MYH6: variants seen among roughly 807,000 people sequenced by gnomAD.
MYH6 encodes myosin heavy chain 6.
A neutral mutation model predicts 223.2 loss-of-function variants in MYH6; 126 were observed. The observed-to-expected ratio is 0.56, with a 90% CI of 0.49 to 0.65. The LOEUF is 0.65. Ranked by LOEUF, MYH6 falls within the 30% of genes least tolerant of loss-of-function variation. MYH6 has a pLI of 0.00. For synonymous variants in MYH6, 978 were observed against 1,010.2 expected, an observed-to-expected ratio of 0.97 and a Z score of 0.61; for missense variants, 2,040 against 2,536.4, an observed-to-expected ratio of 0.80 and a Z score of 4.20.
intron 7 of MYH6, 109 bp from the exon 8 acceptor site, chr14:23,404,497 T>C: frequency 7.4e-7 from 1 of 1,342,558 alleles, no homozygotes; most frequent in Non-Finnish European, 1.1e-6. Flanking sequence ...CGGGGCTGGG[T>C]GAACCGCTAG....
At chr14:23,389,097 T>C (rs377112642) in intron 28 of MYH6, 42 bp from the exon 29 acceptor site, 9 of 1,557,502 alleles carry the variant, frequency 5.8e-6, no homozygotes, top group Admixed American at 1.8e-5. Flanking sequence ...AGGGACTCCC[T>C]GTGCCCCATT....
chr14:23,387,798 CT>C lies in MYH6; in HGVS notation c.4484del (p.Glu1495GlyfsTer3). On this transcript the variant is annotated frameshift_variant, in exon 31 of 39. Transcript: ENST00000405093. LOFTEE classifies it high-confidence loss of function. ...TCTCCCGCTTGAAGGTCTCTAGGTG[CT>C]CCAGGGACTCCTCGTAGGCGTTCTT... Reference protein sequence around the residue: ...KLKNAYEESLEHLETFKRENK... With the variant: ...KLKNAYEESLXHLETFKRENK... 6.2e-7 allele frequency: 1 copy of C among 1,614,094 alleles called. No homozygotes were observed. The highest frequency in any genetic ancestry group is 8.5e-7 in the Non-Finnish European group (1 of 1,180,026).
At chr14:23,401,214 C>T (rs1001288444) in intron 12 of MYH6, among the ~76,000 whole-genome samples, 1 of 152,134 alleles carries the variant, frequency 6.6e-6, no homozygotes, top group Non-Finnish European at 1.5e-5. Flanking sequence ...ACCATGTTGC[C>T]CAGGCTGGTC....
Position 23,389,070 on chromosome 14 carries a change from G to GC in MYH6, c.3979-16_3979-15insG. On this transcript the variant is annotated splice_polypyrimidine_tract_variant and intron_variant, in intron 28 of 38. Transcript: ENST00000405093. Reference sequence around the variant, plus strand: ...GCGTTCTTCGCCTGGGGAGGGGGGGGGGCACCAGGAGGTGGGAGGGACTCC... The same window carrying GC: ...GCGTTCTTCGCCTGGGGAGGGGGGGGCGGCACCAGGAGGTGGGAGGGACTCC... 6.8e-7 allele frequency: 1 copy of GC among 1,464,360 alleles called. No homozygotes were observed. Among genetic ancestry groups the GC allele is most frequent in the Non-Finnish European group, 9.5e-7 (1 of 1,052,944 alleles). The allele number at this position is 1,464,360 out of a possible 1,614,324, so 90.7% of individuals were successfully genotyped here.
In MYH6 at chr14:23,403,371, G is replaced by C; in HGVS notation, c.875C>G (p.Ser292Cys). Residue 292 changes from serine (S) to cysteine (C), a missense_variant, in exon 10 of 39, where the codon TCC (serine) becomes TGC (cysteine). Physicochemically the swap from Ser to Cys is moderately radical, Grantham distance 112. Transcript: ENST00000405093. ...ACCCAGCAACTCCGGCTTCTTGTTG[G>C]ACAGAATCTGGTAGAAGATGTGGTA... ...RNYHIFYQIL[S>C]NKKPELLDML... 1 of 1,614,092 alleles carries C rather than the reference G, an allele frequency of 6.2e-7. No homozygotes were observed. Among genetic ancestry groups the C allele is most frequent in the Non-Finnish European group, 8.5e-7 (1 of 1,179,992 alleles).
intron 3 of MYH6, among the ~76,000 whole-genome samples, chr14:23,406,173 CA>C (rs1891780576): frequency 6.6e-6 from 1 of 152,168 alleles, no homozygotes; most frequent in East Asian, 1.9e-4. Flanking sequence ...ATCTGTTGCT[CA>C]GGGCAAACCT....
rs567648968 is a variant in MYH6, at chr14:23,405,899, C to A, written c.202-129G>T. On this transcript the variant is annotated intron_variant, in intron 3 of 38. Transcript: ENST00000405093. This position sits in a 1 kb window ranked among gnomAD's most constrained non-coding sequence, Gnocchi z 4.7. ...GCTCCCCTTGCTCTGACCAGTGCCC[C>A]GGCCCCTACCCCGATGTCCCCTGGG... 3.4e-5 allele frequency: 39 copies of A among 1,146,806 alleles called. No individual in the cohort carries two copies. Among genetic ancestry groups the A allele is most frequent in the South Asian group, 1.5e-4 (12 of 78,748 alleles). The allele number at this position is 1,146,806 out of a possible 1,614,324, so 71.0% of individuals were successfully genotyped here. A position where few individuals can be genotyped will look rare whatever the true frequency, so the allele number is the denominator to read the frequency against.
intron 27 of MYH6, 23 bp downstream of exon 27, chr14:23,389,570 G>T (rs781231936): frequency 3.1e-6 from 5 of 1,614,106 alleles, no homozygotes; most frequent in African/African-American, 1.3e-5. Context: ...GCCCTAGGCA[G>T]GGGGTTGGTT....
rs869025475 is a variant in MYH6, at chr14:23,402,694, C to T, written c.1002+3G>A. 6.2e-7 allele frequency: 1 copy of T among 1,613,658 alleles called. No individual in the cohort carries two copies. ...GAACGGCCGCAGCAGCCCCCTCACT[C>T]ACATCGGTGGCCATGAGCTCCTCGG... On this transcript the variant is annotated splice_donor_region_variant and intron_variant, in intron 11 of 38. Coordinates refer to ENST00000405093, the MANE Select transcript of MYH6 (RefSeq NM_002471.4).
chr14:23,405,446 C>A lies in MYH6; in HGVS notation c.346-67G>T. 11 of 1,610,354 alleles carry A rather than the reference C, an allele frequency of 6.8e-6. No homozygotes were observed. Among genetic ancestry groups the A allele is most frequent in the Non-Finnish European group, 9.3e-6 (11 of 1,177,136 alleles). ...AGCCTGGGACAGGCAGTGGTGGCAG[C>A]CAGGCATGTCCCTGTTCACTCCAGC... is the stretch of plus-strand genomic sequence containing the variant. On this transcript the variant is annotated intron_variant, in intron 4 of 38. Coordinates refer to ENST00000405093, the MANE Select transcript of MYH6 (RefSeq NM_002471.4). This position sits in a 1 kb window ranked among gnomAD's most constrained non-coding sequence, Gnocchi z 4.7.
rs186265521 is a variant in MYH6, at chr14:23,403,382, G to A, written c.864C>T (p.Tyr288=). The part of the protein sequence containing the change: ...LKAERNYHIF[Y]QILSNKKPEL... ...CCGGCTTCTTGTTGGACAGAATCTG[G>A]TAGAAGATGTGGTAGTTTCTCTCAG... Residue 288 remains tyrosine (Y), a synonymous_variant, in exon 10 of 39, where the codon TAC becomes TAT. Transcript: ENST00000405093. 9 of 1,614,012 alleles carry A rather than the reference G, an allele frequency of 5.6e-6. No individual in the cohort carries two copies. In the South Asian group the frequency reaches 8.8e-5, roughly 16 times the overall value.
At position 23,383,339 on chromosome 14, in the gene MYH6, G is replaced by GGGGGGGCCCCC. The variant is rs1890918376; in HGVS notation, c.5566-20_5566-19insGGGGGCCCCCC. On this transcript the variant is annotated intron_variant, in intron 36 of 38. Transcript: ENST00000405093. ...CCTCTGTCTGGGGGTGGGAGGGTGG[G>GGGGGGGCCCCC]AGAAGCTGGTTTGGAGGGGGAGCAA... The GGGGGGGCCCCC allele has an allele frequency of 9.2e-6, 1 of 108,192 alleles. No homozygotes were observed. Among genetic ancestry groups the GGGGGGGCCCCC allele is most frequent in the Non-Finnish European group, 1.8e-5 (1 of 54,376 alleles). 6.7% of individuals were successfully genotyped at this position (108,192 alleles called of 1,614,324 possible).
chr14:23,388,885 C>G lies in MYH6; in HGVS notation c.4149G>C (p.Gln1383His), dbSNP rs1471592617. The stretch of plus-strand genomic sequence containing the variant: ...TGGCCTCTTCGAGCTCCTCAGTCCG[C>G]TGAATGGCGTCCGTCTCATACTTGG... ...WRTKYETDAIQRTEELEEAKK... is the reference protein window; with the variant it reads ...WRTKYETDAIHRTEELEEAKK... Residue 1383 changes from glutamine to histidine, a missense_variant, in exon 29 of 39, where the codon CAG (glutamine) becomes CAC (histidine). Around this residue, in one of 4 missense-constraint regions of MYH6, gnomAD observed 1,203 missense variants for 1,400.2 expected, o/e 0.86. Transcript: ENST00000405093. 6.2e-7 allele frequency: 1 copy of G among 1,613,720 alleles called. No individual in the cohort carries two copies. Among genetic ancestry groups the G allele is most frequent in the African/African-American group, 1.3e-5 (1 of 74,948 alleles).
At chr14:23,382,098 G>T in intron 38 of MYH6, 35 bp from the exon 39 acceptor site, 1 of 1,586,702 alleles carries the variant, frequency 6.3e-7, no homozygotes, top group Non-Finnish European at 8.7e-7. Context: ...GGGGGCAGCT[G>T]GCAAGAGGGA....
At position 23,405,408 on chromosome 14, in the gene MYH6, G is replaced by A; in HGVS notation, c.346-29C>T. The stretch of plus-strand genomic sequence containing the variant: ...GAGCAGGAGACAAGGCTGGGCATGA[G>A]GTTGGTGGGGAGAGCCTGGGACAGG... On this transcript the variant is annotated intron_variant, in intron 4 of 38. Transcript: ENST00000405093. This position sits in a 1 kb window ranked among gnomAD's most constrained non-coding sequence, Gnocchi z 4.7. The A allele has an allele frequency of 6.2e-7, 1 of 1,614,046 alleles. No individual in the cohort carries two copies. The highest frequency in any genetic ancestry group is 8.5e-7 in the Non-Finnish European group (1 of 1,179,916).
chr14:23,389,535 T>C, intron 27 of MYH6, 24 bp from the exon 28 acceptor site: 1 of 1,614,206 alleles, frequency 6.2e-7, no homozygotes, highest in Non-Finnish European at 8.5e-7. Context: ...GAGGGGCTTG[T>C]GGGCCATTTC....
At chr14:23,399,415 A>G (rs1891528787) in intron 14 of MYH6, among the ~76,000 whole-genome samples, 1 of 152,178 alleles carries the variant, frequency 6.6e-6, no homozygotes, top group South Asian at 2.1e-4. Flanking sequence ...GCAATTCTTC[A>G]AGGGTTAGAT....
intron 36 of MYH6, 133 bp from the exon 37 acceptor site, chr14:23,383,453 G>T: frequency 1.4e-6 from 1 of 724,772 alleles, no homozygotes; most frequent in Non-Finnish European, 2.3e-6. Flanking sequence ...CAAAGAGGTG[G>T]TGGGGAAGAT....
At chr14:23,399,917 T>G in intron 14 of MYH6, 1 of 371,538 alleles carries the variant, frequency 2.7e-6, no homozygotes, top group South Asian at 2.4e-5. Context: ...AACAGGAAGG[T>G]GGTGGGAGGC....
Sources: allele counts gnomAD v4.1 joint callset (sites outside exome capture counted in the v4.1 genomes callset), GRCh38; gene constraint gnomAD v4.1.1; regional missense constraint gnomAD v4.1.1; non-coding constraint Gnocchi (gnomAD v3.1); transcripts MANE v1.5; gene names NCBI Gene and HGNC (gene_info 2026-07-23, HGNC 2026-07-21).